The following ZNF407 variants were observed in gnomAD, a reference collection of about 807,000 sequenced individuals.
ZNF407 encodes zinc finger protein 407.
A neutral mutation model predicts 131.2 loss-of-function variants in ZNF407; 17 were observed. The observed-to-expected ratio is 0.13, with a 90% CI of 0.09 to 0.19. ZNF407 has a LOEUF of 0.19. ZNF407 is among the 10% of genes least tolerant of loss of function. The pLI, the probability that ZNF407 is intolerant of heterozygous loss-of-function variation, is 1.00. For missense variants in ZNF407, 2,681 were observed against 2,830.6 expected, an observed-to-expected ratio of 0.95 and a Z score of 1.20; for synonymous variants, 1,156 against 1,062.0, an observed-to-expected ratio of 1.09 and a Z score of -1.72.
chr18:74,945,489 A>G (rs1236733406), intron 8 of ZNF407, among the ~76,000 whole-genome samples: 1 of 152,154 alleles, frequency 6.6e-6, no homozygotes, highest in African/African-American at 2.4e-5. Flanking sequence ...AGGAGCATAC[A>G]TTGCCTGGAA....
chr18:74,704,628 A>T (rs1211313779), intron 3 of ZNF407, among the ~76,000 whole-genome samples: 2 of 152,246 alleles, frequency 1.3e-5, no homozygotes, highest in Non-Finnish European at 2.9e-5. Context: ...TACTAAAACA[A>T]TGTCGGCATG....
intron 4 of ZNF407, among the ~76,000 whole-genome samples, chr18:74,844,609 C>A (rs1031077648): frequency 1.3e-5 from 2 of 151,832 alleles, no homozygotes. Context: ...TGGTAGTTAT[C>A]TTTTATAAGA....
At chr18:74,937,329 A>T (rs965810135) in intron 8 of ZNF407, among the ~76,000 whole-genome samples, 35 of 152,206 alleles carry the variant, frequency 2.3e-4, no homozygotes, top group Admixed American at 2.3e-3. Context: ...AATTTTCAGA[A>T]CAATCTCATG....
At chr18:74,958,585 C>A (rs1206322179) in intron 8 of ZNF407, among the ~76,000 whole-genome samples, 1 of 151,888 alleles carries the variant, frequency 6.6e-6, no homozygotes, top group South Asian at 2.1e-4. Context: ...TTGGGTTTGA[C>A]GAGGAGTCCG....
chr18:74,807,139 C>A (rs1218478987), intron 4 of ZNF407, among the ~76,000 whole-genome samples: 3 of 152,086 alleles, frequency 2.0e-5, no homozygotes, highest in Admixed American at 1.3e-4. Flanking sequence ...GCTTTTCGGG[C>A]AAATTAGCCT....
At chr18:75,010,154 G>A (rs1016857536) in intron 8 of ZNF407, among the ~76,000 whole-genome samples, 2 of 152,154 alleles carry the variant, frequency 1.3e-5, no homozygotes, top group African/African-American at 2.4e-5. Flanking sequence ...TTCTGATCGT[G>A]TGTTTGCTAA....
chr18:75,022,157 T>C (rs888969700), intron 8 of ZNF407, among the ~76,000 whole-genome samples: 1 of 152,198 alleles, frequency 6.6e-6, no homozygotes, highest in Non-Finnish European at 1.5e-5. Context: ...CCCTTTTGTC[T>C]ATCAAAGTCA....
chr18:75,018,339 C>A lies in ZNF407; in HGVS notation c.5429-44811C>A, dbSNP rs1391287733. ...AGGAGAAAAAAGTAAATGAAAAATA[C>A]AGTTGCAGTCTAAATATTATGAAAA... is the stretch of plus-strand genomic sequence containing the variant. On this transcript the variant is annotated intron_variant, in intron 8 of 8. Transcript: ENST00000299687. Among the ~76,000 whole-genome samples, 3 of 151,812 alleles carry A rather than the reference C, an allele frequency of 2.0e-5. No homozygotes were observed. The South Asian group carries it at 6.2e-4, about 31-fold the overall frequency.
chr18:74,951,475 C>T (rs1488347828), intron 8 of ZNF407, among the ~76,000 whole-genome samples: 5 of 152,192 alleles, frequency 3.3e-5, no homozygotes, highest in African/African-American at 4.8e-5. Flanking sequence ...GTTCTCAGTA[C>T]GTTCATGTTG....
At chr18:74,723,612 T>C (rs1968089795) in intron 3 of ZNF407, among the ~76,000 whole-genome samples, 1 of 152,172 alleles carries the variant, frequency 6.6e-6, no homozygotes, top group Non-Finnish European at 1.5e-5. Flanking sequence ...CAGGGCTCCT[T>C]TGGCTCTCCT....
intron 8 of ZNF407, among the ~76,000 whole-genome samples, chr18:74,943,293 T>A (rs1477762947): frequency 6.6e-6 from 1 of 152,230 alleles, no homozygotes; most frequent in Non-Finnish European, 1.5e-5. Flanking sequence ...TTCTGATTCT[T>A]CTTAGGCTGA....
At chr18:74,886,884 T>C (rs1971317665) in intron 6 of ZNF407, among the ~76,000 whole-genome samples, 1 of 152,232 alleles carries the variant, frequency 6.6e-6, no homozygotes, top group African/African-American at 2.4e-5. Flanking sequence ...CTGAAGCTGT[T>C]TAAAATGCTT....
At position 74,797,609 on chromosome 18, in the gene ZNF407, G is replaced by A. The variant is rs1969944499; in HGVS notation, c.4877+16107G>A. 2.0e-5 allele frequency among the ~76,000 whole-genome samples: 3 copies of A among 152,218 alleles called. No individual in the cohort carries two copies. In the South Asian group the frequency reaches 6.2e-4, roughly 32 times the overall value. On this transcript the variant is annotated intron_variant, in intron 4 of 8. Coordinates refer to ENST00000299687, the MANE Select transcript of ZNF407 (RefSeq NM_017757.3). ...TGGGTCATATCAACACGTTCATAAAGGGAAAGTTTTCTTTTCAGATTGAGA... is the reference window on the plus strand; with the variant it reads ...TGGGTCATATCAACACGTTCATAAAAGGAAAGTTTTCTTTTCAGATTGAGA...
rs186932380 is a variant in ZNF407 at position 74,831,265 on chromosome 18, G to T, written c.4878-45932G>T. Among the ~76,000 whole-genome samples the T allele has an allele frequency of 3.1e-4, 47 of 152,244 alleles. No individual in the cohort carries two copies. The East Asian group carries it at 7.1e-3, about 23-fold the overall frequency. ...GTACAGGCATTTCTATGATACACTGGTTCCCTTTTGTTTGGATAAAAGCAT... is the reference window on the plus strand; with the variant it reads ...GTACAGGCATTTCTATGATACACTGTTTCCCTTTTGTTTGGATAAAAGCAT... On this transcript the variant is annotated intron_variant, in intron 4 of 8. Transcript: ENST00000299687.
chr18:75,063,945 C>T lies in ZNF407; in HGVS notation c.6224C>T (p.Ala2075Val), dbSNP rs1194868859. The T allele has an allele frequency of 1.9e-6, 3 of 1,613,726 alleles. No individual in the cohort carries two copies. The highest frequency in any genetic ancestry group is 2.2e-5 in the East Asian group (1 of 44,830). Residue 2075 changes from alanine to valine, a missense_variant, in exon 9 of 9, where the codon GCC becomes GTC. Ala to Val is a moderately conservative substitution (Grantham distance 64, BLOSUM62 0). Around this residue, in one of 6 missense-constraint regions of ZNF407, gnomAD observed 620 missense variants for 583.1 expected, o/e 1.06. Coordinates refer to ENST00000299687, the MANE Select transcript of ZNF407 (RefSeq NM_017757.3). The surrounding 1 kb of genome is among the most constrained non-coding windows in gnomAD (Gnocchi z 6.6). ...AMASQERAQV[A>V]FKKMVQGVLQ... ...GCCTCTCAGGAGCGGGCACAGGTGG[C>T]CTTCAAGAAGATGGTCCAGGGCGTC...
Position 74,788,614 on chromosome 18 carries a change from GA to G in ZNF407, c.4877+7127del, listed in dbSNP as rs375763179. On this transcript the variant is annotated intron_variant, in intron 4 of 8. Transcript: ENST00000299687. ...TCTTTTAGTACATCTTGGTTATCTT[GA>G]AAAAAAAAAAAAAACACCACCACAG... Among the ~76,000 whole-genome samples, 320 of 117,378 alleles carry G rather than the reference GA, an allele frequency of 2.7e-3. 3 individuals carry two copies. The highest frequency in any genetic ancestry group is 5.9e-3 in the African/African-American group (186 of 31,308). The allele number at this position is 117,378 out of a possible 152,430, so 77.0% of individuals were successfully genotyped here.
intron 8 of ZNF407, among the ~76,000 whole-genome samples, chr18:74,981,465 G>C (rs920677320): frequency 3.3e-5 from 5 of 152,200 alleles, no homozygotes; most frequent in African/African-American, 4.8e-5. Flanking sequence ...AGAAGCTTAC[G>C]ATCTGTTCCT....
At chr18:74,802,078 C>A (rs1467863231) in intron 4 of ZNF407, among the ~76,000 whole-genome samples, 2 of 152,146 alleles carry the variant, frequency 1.3e-5, no homozygotes, top group Non-Finnish European at 2.9e-5. Context: ...CAAATCTTTT[C>A]ACTGAAAGTC....
At chr18:74,943,990 G>A (rs1169941918) in intron 8 of ZNF407, among the ~76,000 whole-genome samples, 1 of 152,160 alleles carries the variant, frequency 6.6e-6, no homozygotes, top group Non-Finnish European at 1.5e-5. Flanking sequence ...AAATAAACTA[G>A]GGTGTTAGGA....
Sources: gnomAD v4.1 joint callset for allele counts (sites outside exome capture counted in the v4.1 genomes callset) on GRCh38, gnomAD v4.1.1 for gene constraint, gnomAD v4.1.1 regional missense constraint, Gnocchi (gnomAD v3.1) non-coding constraint, MANE v1.5 for transcripts, NCBI Gene and HGNC (gene_info 2026-07-23, HGNC 2026-07-21) for gene names.